The following CD36 variants were observed in gnomAD, a reference collection of about 807,000 sequenced individuals.
CD36 encodes the protein platelet glycoprotein 4.
Under a neutral mutation model 55.2 loss-of-function variants are expected in CD36, and 119 were observed. The observed-to-expected ratio is 2.15, with a 90% CI of 1.86 to 2.51. The LOEUF is 2.51. CD36 is among the 30% of genes most tolerant of loss of function. The pLI is 0.00. For missense variants in CD36, 819 were observed against 555.5 expected, an observed-to-expected ratio of 1.47 and a Z score of -4.77; for synonymous variants, 186 against 193.6, an observed-to-expected ratio of 0.96 and a Z score of 0.33.
intron 5 of CD36, among the ~76,000 whole-genome samples, chr7:80,661,650 G>A (rs913397943): frequency 1.3e-5 from 2 of 152,112 alleles, no homozygotes; most frequent in African/African-American, 4.8e-5. Flanking sequence ...TGTACCAGTA[G>A]CTGTACCAGT....
chr7:80,662,095 C>T (rs981938834), intron 5 of CD36, among the ~76,000 whole-genome samples: 1 of 152,098 alleles, frequency 6.6e-6, no homozygotes, highest in African/African-American at 2.4e-5. Context: ...ACACAAAATC[C>T]TAAAAAGTAT....
rs3138813 is a variant in CD36, at chr7:80,647,258, CTGTGTGTG to C, written c.120+416_120+423del. ...TTAGTTAATACTGAGAAAAGTAAAA[CTGTGTGTG>C]TGTGTGTGTGTGTGTGTAATGTGTT... On this transcript the variant is annotated intron_variant, in intron 3 of 14. Transcript: ENST00000447544. The C allele has an allele frequency of 1.5e-4, 31 of 204,960 alleles. No homozygotes were observed. Among genetic ancestry groups the C allele is most frequent in the Non-Finnish European group, 2.5e-4 (25 of 98,574 alleles). The allele number at this position is 204,960 out of a possible 1,614,324, so 12.7% of individuals were successfully genotyped here. A position where few individuals can be genotyped will look rare whatever the true frequency, so the allele number is the denominator to read the frequency against.
chr7:80,659,472 C>A (rs1796356345), intron 4 of CD36, among the ~76,000 whole-genome samples: 3 of 152,116 alleles, frequency 2.0e-5, no homozygotes. Flanking sequence ...AGTTACTTTG[C>A]TTTGGAAAGA....
At chr7:80,671,323 A>AAATT (rs2116862090) in intron 10 of CD36, among the ~76,000 whole-genome samples, 159 bp downstream of exon 10, 1 of 152,244 alleles carries the variant, frequency 6.6e-6, no homozygotes, top group Admixed American at 6.5e-5. Context: ...TTAGCAACCA[A>AAATT]AATTTAAAAT....
chr7:80,674,013 A>T lies in CD36; in HGVS notation c.1285A>T (p.Met429Leu). ...GACCATTGGTGATGAGAAGGCAAAC[A>T]TGTTCAGAAGTCAAGTAACTGGAAA... ...TGTIGDEKANMFRSQVTGKIN... is the reference protein window; with the variant it reads ...TGTIGDEKANLFRSQVTGKIN... The change falls in exon 14 of 15, where the codon ATG (methionine) becomes TTG (leucine). Residue 429 changes from methionine to leucine, a missense_variant. By Grantham distance (15) the Met-to-Leu change is conservative. Coordinates refer to ENST00000447544, the MANE Select transcript of CD36 (RefSeq NM_001001548.3). 6.2e-7 allele frequency: 1 copy of T among 1,612,486 alleles called. No homozygotes were observed. The highest frequency in any genetic ancestry group is 8.5e-7 in the Non-Finnish European group (1 of 1,178,928).
At chr7:80,614,354 C>T (rs1033140870) in intron 1 of CD36, among the ~76,000 whole-genome samples, 1 of 152,098 alleles carries the variant, frequency 6.6e-6, no homozygotes, top group African/African-American at 2.4e-5. Context: ...ACTCTTTATC[C>T]TACATTTTTA....
intron 8 of CD36, among the ~76,000 whole-genome samples, chr7:80,668,381 G>A (rs1797324063): frequency 6.6e-6 from 1 of 152,152 alleles, no homozygotes; most frequent in Non-Finnish European, 1.5e-5. Context: ...CCCTGTGAGA[G>A]AGATTCTTGC....
intron 1 of CD36, among the ~76,000 whole-genome samples, chr7:80,616,193 A>C (rs997393471): frequency 1.3e-5 from 2 of 152,140 alleles, no homozygotes; most frequent in African/African-American, 4.8e-5. Context: ...AATCTACTGG[A>C]TATCATAGCT....
rs373802173 is a variant in CD36 at position 80,661,157 on chromosome 7, C to G, written c.376C>G (p.Leu126Val). 57 of 1,613,954 alleles carry G rather than the reference C, an allele frequency of 3.5e-5. No individual in the cohort carries two copies. In the Middle Eastern group the frequency reaches 6.6e-4, roughly 19 times the overall value. Residue 126 changes from leucine (L) to valine (V), a missense_variant, in exon 5 of 15, where the codon CTA (leucine) becomes GTA (valine). By Grantham distance (32) the Leu-to-Val change is conservative. Transcript: ENST00000447544. The stretch of plus-strand genomic sequence containing the variant: ...CAATGGTGCCATCTTCGAACCTTCA[C>G]TATCAGTTGGAACAGAGGCTGACAA... ...QPNGAIFEPS[L>V]SVGTEADNFT...
intron 5 of CD36, 139 bp from the exon 6 acceptor site, chr7:80,662,851 G>A (rs941565889): frequency 1.8e-5 from 13 of 717,100 alleles, no homozygotes; most frequent in Non-Finnish European, 3.1e-5. Context: ...TGCATTTTGA[G>A]TTTTGGCAGG....
rs146436632 is a variant in CD36, at chr7:80,661,826, A to G, written c.429+616A>G. ...AAAGTCGATAAGGTTGATGGTGTCT[A>G]TTGTTTGGAAAGTCGAATTCGGCTA... On this transcript the variant is annotated intron_variant, in intron 5 of 14. Transcript: ENST00000447544. 4.9e-3 allele frequency among the ~76,000 whole-genome samples: 740 copies of G among 152,314 alleles called. 6 individuals are homozygous for G. The highest frequency in any genetic ancestry group is 0.017 in the African/African-American group (696 of 41,554).
chr7:80,625,409 G>T (rs1231622641), intron 1 of CD36, among the ~76,000 whole-genome samples: 2 of 152,170 alleles, frequency 1.3e-5, no homozygotes, highest in African/African-American at 4.8e-5. Context: ...AACTGAGCCT[G>T]ATGTATTAAA....
At chr7:80,672,233 TTA>T (rs1482844370) in intron 11 of CD36, among the ~76,000 whole-genome samples, 193 bp downstream of exon 11, 2 of 151,830 alleles carry the variant, frequency 1.3e-5, no homozygotes, top group African/African-American at 4.8e-5. Flanking sequence ...TAAAATAATT[TTA>T]TATAAATATT....
At chr7:80,611,013 CTACAGG>C (rs60244894) in intron 1 of CD36, among the ~76,000 whole-genome samples, 18,158 of 151,984 alleles carry the variant, frequency 0.12, 1,498 homozygotes, top group East Asian at 0.33. Flanking sequence ...GAAGCTGGGA[CTACAGG>C]TACACACCAC....
At chr7:80,669,842 A>G in intron 8 of CD36, 111 bp from the exon 9 acceptor site, 1 of 796,900 alleles carries the variant, frequency 1.3e-6, no homozygotes, top group East Asian at 2.4e-5. Context: ...TAGATAAATT[A>G]CTTAGGCAGT....
intron 1 of CD36, among the ~76,000 whole-genome samples, chr7:80,622,086 C>G (rs1339979088): frequency 1.3e-5 from 2 of 152,198 alleles, no homozygotes; most frequent in East Asian, 3.8e-4. Flanking sequence ...ATTCTGAGTC[C>G]GTAAAAGGCC....
Position 80,671,995 on chromosome 7 carries a change from A to C in CD36, c.1080A>C (p.Leu360Phe). Reference protein sequence around the residue: ...SPDVSEPIDGLNPNEEEHRTY... With the variant: ...SPDVSEPIDGFNPNEEEHRTY... Reference sequence around the variant, plus strand: ...ATGTTTCAGAACCTATTGATGGATTAAACCCAAATGAAGAAGAACATAGGA... The same window carrying C: ...ATGTTTCAGAACCTATTGATGGATTCAACCCAAATGAAGAAGAACATAGGA... Residue 360 changes from leucine to phenylalanine, a missense_variant, in exon 11 of 15, where the codon TTA (leucine) becomes TTC (phenylalanine). Physicochemically the swap from Leu to Phe is conservative, Grantham distance 22. Coordinates refer to ENST00000447544, the MANE Select transcript of CD36 (RefSeq NM_001001548.3). 1 of 1,608,944 alleles carries C rather than the reference A, an allele frequency of 6.2e-7. No homozygotes were observed. Among genetic ancestry groups the C allele is most frequent in the East Asian group, 2.2e-5 (1 of 44,664 alleles).
chr7:80,669,453 G>C (rs886350910), intron 8 of CD36, among the ~76,000 whole-genome samples: 5 of 152,110 alleles, frequency 3.3e-5, no homozygotes, highest in African/African-American at 1.2e-4. Flanking sequence ...TTGAGACAAA[G>C]TTTTCCACTT....
At chr7:80,608,683 A>C (rs1421130675) in intron 1 of CD36, among the ~76,000 whole-genome samples, 2 of 152,266 alleles carry the variant, frequency 1.3e-5, no homozygotes, top group South Asian at 2.1e-4. Context: ...TGAAAATGTC[A>C]ATATTAAACC....
Sources: allele counts gnomAD v4.1 joint callset (sites outside exome capture counted in the v4.1 genomes callset), GRCh38; gene constraint gnomAD v4.1.1; transcripts MANE v1.5; gene names NCBI Gene and HGNC (gene_info 2026-07-23, HGNC 2026-07-21).